Variants in PCCB observed in about 807,000 individuals in gnomAD.
The protein encoded by PCCB is propionyl-CoA carboxylase beta chain, mitochondrial.
PCCB carries 43 observed loss-of-function variants against 60.7 expected under a neutral mutation model. The observed-to-expected ratio is 0.71, with a 90% CI of 0.55 to 0.91. PCCB has a LOEUF of 0.91. Among genes scored for constraint, PCCB ranks in the 40% least tolerant of loss-of-function variants. PCCB has a pLI of 0.00. For missense variants in PCCB, 766 were observed against 702.8 expected, an observed-to-expected ratio of 1.09 and a Z score of -1.02; for synonymous variants, 276 against 255.9, an observed-to-expected ratio of 1.08 and a Z score of -0.75.
chr3:136,277,993 G>T (rs751230012), intron 5 of PCCB, among the ~76,000 whole-genome samples: 2 of 152,182 alleles, frequency 1.3e-5, no homozygotes, highest in African/African-American at 4.8e-5. Flanking sequence ...TCCTCACTCA[G>T]TGTTATATCT....
intron 5 of PCCB, among the ~76,000 whole-genome samples, chr3:136,281,167 T>C (rs948408637): frequency 6.6e-6 from 1 of 152,136 alleles, no homozygotes. Flanking sequence ...TACTTATGTC[T>C]TTCATCAAAT....
intron 6 of PCCB, among the ~76,000 whole-genome samples, chr3:136,291,611 G>C (rs752730557): frequency 4.6e-5 from 7 of 152,078 alleles, no homozygotes; most frequent in Non-Finnish European, 7.4e-5. Flanking sequence ...GAGCGGGTTG[G>C]GGCTGGCCAT....
chr3:136,258,396 A>G (rs576942194), intron 3 of PCCB, among the ~76,000 whole-genome samples: 3 of 152,322 alleles, frequency 2.0e-5, no homozygotes, highest in African/African-American at 2.4e-5. Context: ...GACCCAAGAC[A>G]AGGGAAAATC....
chr3:136,300,974 C>A, intron 8 of PCCB, 56 bp from the exon 9 acceptor site: 1 of 1,351,798 alleles, frequency 7.4e-7, no homozygotes, highest in Non-Finnish European at 1.1e-6. Context: ...CCCATTCCCA[C>A]AAAAGGTAAC....
intron 5 of PCCB, among the ~76,000 whole-genome samples, chr3:136,275,814 A>G (rs1310136512): frequency 1.3e-5 from 2 of 152,106 alleles, no homozygotes; most frequent in Admixed American, 6.5e-5. Context: ...TCTGTCACTC[A>G]GGCTGGAGTG....
chr3:136,296,413 C>G (rs1442856615), intron 7 of PCCB, among the ~76,000 whole-genome samples: 1 of 152,178 alleles, frequency 6.6e-6, no homozygotes, highest in Non-Finnish European at 1.5e-5. Flanking sequence ...TTGTTAAAGG[C>G]TCATCCATGT....
chr3:136,254,358 A>G (rs1229846009), intron 1 of PCCB, among the ~76,000 whole-genome samples: 1 of 151,526 alleles, frequency 6.6e-6, no homozygotes. Flanking sequence ...AGCTGGGACT[A>G]CAGGTGGGTG....
At chr3:136,321,639 CCCTT>C (rs1285958201) in intron 10 of PCCB, among the ~76,000 whole-genome samples, 2 of 152,202 alleles carry the variant, frequency 1.3e-5, no homozygotes, top group Admixed American at 6.5e-5. Flanking sequence ...TCACCTCCCT[CCCTT>C]GACACATGGT....
chr3:136,314,128 AAG>A, intron 9 of PCCB, among the ~76,000 whole-genome samples: 1 of 152,166 alleles, frequency 6.6e-6, no homozygotes, highest in Non-Finnish European at 1.5e-5. Context: ...ATGAACCAGA[AAG>A]TAAGATACTT....
rs1242325672 is a variant in PCCB at position 136,304,212 on chromosome 3, C to T, written c.966+3101C>T. Among the ~76,000 whole-genome samples the T allele has an allele frequency of 2.8e-5, 3 of 108,112 alleles. 1 individual carries two copies. Among genetic ancestry groups the T allele is most frequent in the Non-Finnish European group, 6.1e-5 (3 of 49,200 alleles). The allele number at this position is 108,112 out of a possible 152,430, so 70.9% of individuals were successfully genotyped here. On this transcript the variant is annotated intron_variant, in intron 9 of 14. Coordinates refer to ENST00000251654, the MANE Select transcript of PCCB (RefSeq NM_000532.5). ...CTTTGTCACCCAGGCTGGAGTGCAG[C>T]GGTGTGACTTTGACTCACTGCAGGC...
intron 1 of PCCB, among the ~76,000 whole-genome samples, chr3:136,254,153 GA>G (rs560312114): frequency 1.4e-3 from 211 of 152,090 alleles, no homozygotes; most frequent in Middle Eastern, 0.014. Flanking sequence ...TGGGGAAGGG[GA>G]CGGTAGGCTA....
chr3:136,275,736 A>G (rs1942317600), intron 5 of PCCB, among the ~76,000 whole-genome samples: 1 of 151,872 alleles, frequency 6.6e-6, no homozygotes, highest in South Asian at 2.1e-4. Context: ...TCTTTGTATG[A>G]TGGCTTCTTT....
At chr3:136,329,232 C>T (rs1935447407) in intron 14 of PCCB, among the ~76,000 whole-genome samples, 1 of 152,160 alleles carries the variant, frequency 6.6e-6, no homozygotes, top group Non-Finnish European at 1.5e-5. Context: ...GCTGGTCTTG[C>T]CTGGGATCAC....
intron 5 of PCCB, among the ~76,000 whole-genome samples, chr3:136,282,899 T>C (rs1373421979): frequency 6.6e-6 from 1 of 152,192 alleles, no homozygotes; most frequent in Non-Finnish European, 1.5e-5. Flanking sequence ...AATAAACACT[T>C]CTCAATTTGT....
intron 8 of PCCB, among the ~76,000 whole-genome samples, chr3:136,299,785 TATGTATATGC>T (rs1934150773): frequency 6.6e-6 from 1 of 151,524 alleles, no homozygotes; most frequent in African/African-American, 2.4e-5. Flanking sequence ...CATGTGTATG[TATGTATATGC>T]ATGTGTATGT....
At chr3:136,329,776 A>G in intron 14 of PCCB, 129 bp from the exon 15 acceptor site, 1 of 950,506 alleles carries the variant, frequency 1.1e-6, no homozygotes. Context: ...AGGGCCTACC[A>G]TCTCTGTATC....
intron 5 of PCCB, among the ~76,000 whole-genome samples, chr3:136,276,632 G>T (rs1942337706): frequency 3.3e-5 from 5 of 152,210 alleles, no homozygotes; most frequent in Admixed American, 3.3e-4. Flanking sequence ...ACTCTGTAGT[G>T]TTCCAGGAAG....
intron 5 of PCCB, among the ~76,000 whole-genome samples, chr3:136,268,291 C>G (rs1405734528): frequency 1.3e-5 from 2 of 151,072 alleles, no homozygotes; most frequent in Admixed American, 6.6e-5. Flanking sequence ...TATTCTTTCC[C>G]CATTGAATTG....
At position 136,285,908 on chromosome 3, in the gene PCCB, T is replaced by C. The variant is rs556582960; in HGVS notation, c.654+1961T>C. On this transcript the variant is annotated intron_variant, in intron 6 of 14. Transcript: ENST00000251654. The stretch of plus-strand genomic sequence containing the variant: ...CATTCTACATCTTAAATATTCTGTG[T>C]ATTTAATAAGAGTGCAGTGGAAAAT... Among the ~76,000 whole-genome samples, 3 of 152,362 alleles carry C rather than the reference T, an allele frequency of 2.0e-5. No homozygotes were observed. The South Asian group carries it at 6.2e-4, about 32-fold the overall frequency.
Sources: allele counts gnomAD v4.1 joint callset (sites outside exome capture counted in the v4.1 genomes callset), GRCh38; gene constraint gnomAD v4.1.1; transcripts MANE v1.5; gene names NCBI Gene and HGNC (gene_info 2026-07-23, HGNC 2026-07-21).